NCF2: variants seen among roughly 807,000 people sequenced by gnomAD.
The protein encoded by NCF2 is neutrophil cytosolic factor 2, also known as neutrophil cytosol factor 2.
Under a neutral mutation model 70.9 loss-of-function variants are expected in NCF2, and 45 were observed. The ratio of observed to expected loss-of-function variants is 0.63; its 90% CI spans 0.50 to 0.81. The LOEUF (loss-of-function observed/expected upper bound fraction) is 0.81. Among genes scored for constraint, NCF2 ranks in the 40% least tolerant of loss-of-function variants. The pLI is 0.00. For synonymous variants in NCF2, 203 were observed against 233.6 expected, an observed-to-expected ratio of 0.87 and a Z score of 1.19; for missense variants, 522 against 631.6, an observed-to-expected ratio of 0.83 and a Z score of 1.86.
chr1:183,574,421 A>T, intron 4 of NCF2, 66 bp downstream of exon 4: 1 of 1,608,078 alleles, frequency 6.2e-7, no homozygotes. Flanking sequence ...TCTCAATGGC[A>T]TGTCCTCTGA....
intron 3 of NCF2, 116 bp downstream of exon 3, chr1:183,577,483 G>T: frequency 1.2e-6 from 1 of 810,392 alleles, no homozygotes; most frequent in Non-Finnish European, 2.2e-6. Flanking sequence ...GGCAGAGGAG[G>T]CAAAATGGCT....
chr1:183,574,756 A>T (rs1377979504), intron 3 of NCF2, 135 bp from the exon 4 acceptor site: 8 of 1,074,542 alleles, frequency 7.4e-6, no homozygotes, highest in Non-Finnish European at 1.1e-5. Flanking sequence ...GGAATATCTA[A>T]AATATAGTGC....
At position 183,558,658 on chromosome 1, in the gene NCF2, G is replaced by A. The variant is rs537417395; in HGVS notation, c.1468+1438C>T. Among the ~76,000 whole-genome samples the A allele has an allele frequency of 3.3e-5, 5 of 152,140 alleles. No homozygotes were observed. The East Asian group carries it at 7.7e-4, about 23-fold the overall frequency. On this transcript the variant is annotated intron_variant, in intron 14 of 14. Coordinates refer to ENST00000367535, the MANE Select transcript of NCF2 (RefSeq NM_000433.4). ...TCGGCTCACTGCAACCTCCACTCCC[G>A]GGTTCAAGCGATTCTCTTGCCTCAG...
chr1:183,595,176 A>ACATTGAG (rs371761363), upstream of NCF2, among the ~76,000 whole-genome samples: 4 of 152,314 alleles, frequency 2.6e-5, no homozygotes, highest in African/African-American at 9.6e-5. Flanking sequence ...GTCAACTCTA[A>ACATTGAG]CATTGAGTAG....
chr1:183,560,356 C>T lies in NCF2; in HGVS notation c.1291-83G>A, dbSNP rs1000304880. The T allele has an allele frequency of 6.2e-6, 9 of 1,463,412 alleles. No homozygotes were observed. The Admixed American group carries it at 6.7e-5, about 11-fold the overall frequency. 90.7% of individuals were successfully genotyped at this position (1,463,412 alleles called of 1,614,324 possible). On this transcript the variant is annotated intron_variant, in intron 13 of 14. Transcript: ENST00000367535. ...ATCACTAAAGGAAACAGCGAAATGTCAAAGTAGAACCTGGGATATAAACTC... is the reference window on the plus strand; with the variant it reads ...ATCACTAAAGGAAACAGCGAAATGTTAAAGTAGAACCTGGGATATAAACTC...
At chr1:183,564,706 T>C (rs1672227160) in intron 10 of NCF2, among the ~76,000 whole-genome samples, 2 of 152,246 alleles carry the variant, frequency 1.3e-5, no homozygotes, top group African/African-American at 4.8e-5. Flanking sequence ...GGTTTATATG[T>C]GATCCTTGAT....
Position 183,556,019 on chromosome 1 carries a change from A to G in NCF2, c.*99T>C. 1 of 997,692 alleles carries G rather than the reference A, an allele frequency of 1.0e-6. No homozygotes were observed. The highest frequency in any genetic ancestry group is 1.6e-6 in the Non-Finnish European group (1 of 627,668). 61.8% of individuals were successfully genotyped at this position (997,692 alleles called of 1,614,324 possible). A position where few individuals can be genotyped will look rare whatever the true frequency, so the allele number is the denominator to read the frequency against. On this transcript the variant is annotated 3_prime_UTR_variant, in exon 15 of 15. Coordinates refer to ENST00000367535, the MANE Select transcript of NCF2 (RefSeq NM_000433.4). ...GGGAATAAATAGTTAACACTTCCAA[A>G]CTGTAATGTCTCAGTACAGTATACA...
chr1:183,590,516 C>A, upstream of NCF2: 1 of 697,254 alleles, frequency 1.4e-6, no homozygotes, highest in Non-Finnish European at 2.6e-6. Flanking sequence ...CAGGAAATGT[C>A]CCCACCTTTT....
chr1:183,574,585 C>G lies in NCF2; in HGVS notation c.403G>C (p.Glu135Gln). The G allele has an allele frequency of 1.9e-6, 3 of 1,614,162 alleles. No homozygotes were observed. Among genetic ancestry groups the G allele is most frequent in the Non-Finnish European group, 8.5e-7 (1 of 1,180,022 alleles). The change falls in exon 4 of 15, where the codon GAG (glutamate) becomes CAG (glutamine). Residue 135 changes from glutamate to glutamine, a missense_variant. Glu to Gln is a conservative substitution (Grantham distance 29, BLOSUM62 2). Transcript: ENST00000367535. ...TGTTCTTCAGCTTTTTTCCATTCCTCCTTCTTGGCATACATGAAAGCAATG... is the reference window on the plus strand; with the variant it reads ...TGTTCTTCAGCTTTTTTCCATTCCTGCTTCTTGGCATACATGAAAGCAATG... The part of the protein sequence containing the change: ...YNIAFMYAKK[E>Q]EWKKAEEQLA...
upstream of NCF2, among the ~76,000 whole-genome samples, chr1:183,595,405 G>A (rs899963371): frequency 1.3e-5 from 2 of 152,224 alleles, no homozygotes; most frequent in African/African-American, 2.4e-5. Context: ...TTGGTTTTCC[G>A]TTGCTGCATG....
intron 13 of NCF2, among the ~76,000 whole-genome samples, chr1:183,561,353 A>G (rs1219605561): frequency 6.6e-6 from 1 of 152,170 alleles, no homozygotes; most frequent in Non-Finnish European, 1.5e-5. Flanking sequence ...GGCCCTAGAG[A>G]GTCCACAGAG....
At chr1:183,584,726 G>A (rs917835847) in intron 2 of NCF2, among the ~76,000 whole-genome samples, 1 of 152,124 alleles carries the variant, frequency 6.6e-6, no homozygotes, top group Non-Finnish European at 1.5e-5. Context: ...ATATTCTATA[G>A]TCTGGAGACG....
chr1:183,599,482 CTCTTTTCTTT>C, the NCF2 span, among the ~76,000 whole-genome samples: 9 of 72,944 alleles, frequency 1.2e-4, no homozygotes, highest in African/African-American at 4.9e-4. Flanking sequence ...TTCTTTCTTT[CTCTTTTCTTT>C]CTTTCTCTTT....
Position 183,567,079 on chromosome 1 carries a change from G to A in NCF2, c.856-91C>T. The A allele has an allele frequency of 8.1e-6, 13 of 1,605,202 alleles. 1 individual carries two copies. The South Asian group carries it at 1.3e-4, about 16-fold the overall frequency. The stretch of plus-strand genomic sequence containing the variant: ...CAGAACAGCCCAGAGTCCTGGGGAA[G>A]GGATGACGAACAGACAAAAGAACTT... On this transcript the variant is annotated intron_variant, in intron 8 of 14. Coordinates refer to ENST00000367535, the MANE Select transcript of NCF2 (RefSeq NM_000433.4).
At chr1:183,581,914 G>T (rs1192036900) in intron 2 of NCF2, among the ~76,000 whole-genome samples, 1 of 152,088 alleles carries the variant, frequency 6.6e-6, no homozygotes, top group South Asian at 2.1e-4. Flanking sequence ...TGATCCGCCC[G>T]CCTCGGCCTC....
chr1:183,586,799 T>G (rs911039861), intron 2 of NCF2, 96 bp downstream of exon 2: 19 of 1,085,462 alleles, frequency 1.8e-5, no homozygotes, highest in Admixed American at 1.7e-4. Flanking sequence ...CCAACAGAGG[T>G]TGGGAAGGTA....
At chr1:183,587,661 G>C (rs35439705) in intron 1 of NCF2, among the ~76,000 whole-genome samples, 1,575 of 146,764 alleles carry the variant, frequency 0.011, 26 homozygotes, top group African/African-American at 0.037. Context: ...TGGACTATAA[G>C]GGTGCAGACA....
At chr1:183,579,420 C>G (rs1182190612) in intron 2 of NCF2, among the ~76,000 whole-genome samples, 1 of 151,994 alleles carries the variant, frequency 6.6e-6, no homozygotes, top group Non-Finnish European at 1.5e-5. Flanking sequence ...TCTGTTTCCC[C>G]ATCTTTAGAA....
chr1:183,561,074 A>G (rs1251559273), intron 13 of NCF2, among the ~76,000 whole-genome samples: 1 of 152,240 alleles, frequency 6.6e-6, no homozygotes, highest in African/African-American at 2.4e-5. Context: ...AAACCACTGC[A>G]CAATGCCATA....
Sources: gnomAD v4.1 joint callset for allele counts (sites outside exome capture counted in the v4.1 genomes callset) on GRCh38, gnomAD v4.1.1 for gene constraint, MANE v1.5 for transcripts, NCBI Gene and HGNC (gene_info 2026-07-23, HGNC 2026-07-21) for gene names.